Variants in PEX3 observed in about 807,000 individuals in gnomAD.
PEX3 encodes peroxin-3.
Under a neutral mutation model 55.8 loss-of-function variants are expected in PEX3, and 30 were observed. The ratio of observed to expected loss-of-function variants is 0.54; its 90% CI spans 0.40 to 0.73. PEX3 has a LOEUF of 0.73. Among genes scored for constraint, PEX3 ranks in the 30% least tolerant of loss-of-function variants. PEX3 has a pLI of 0.00. For missense variants in PEX3, 351 were observed against 432.8 expected, an observed-to-expected ratio of 0.81 and a Z score of 1.68; for synonymous variants, 135 against 148.4, an observed-to-expected ratio of 0.91 and a Z score of 0.66.
chr6:143,453,293 C>A lies in PEX3; in HGVS notation c.73+2178C>A, dbSNP rs560762485. ...GGAAGAAGAGACACATTTTGACAGG[C>A]TTGAAAGCTGGGTAGTATATCAACA... is the stretch of plus-strand genomic sequence containing the variant. On this transcript the variant is annotated intron_variant, in intron 1 of 11. Transcript: ENST00000367591. The surrounding 1 kb of genome is among the most constrained non-coding windows in gnomAD (Gnocchi z 4.6). 6.6e-6 allele frequency among the ~76,000 whole-genome samples: 1 copy of A among 152,140 alleles called. No individual in the cohort carries two copies. The highest frequency in any genetic ancestry group is 1.5e-5 in the Non-Finnish European group (1 of 68,022).
intron 4 of PEX3, 51 bp downstream of exon 4, chr6:143,468,216 G>A (rs1368107841): frequency 2.5e-6 from 3 of 1,217,714 alleles, no homozygotes; most frequent in Non-Finnish European, 3.6e-6. Flanking sequence ...ATTTATAAAG[G>A]GAAATGTTTG....
In PEX3 at chr6:143,476,974, C is replaced by G. The variant is rs573303795; in HGVS notation, c.819-2102C>G. 6.6e-6 allele frequency among the ~76,000 whole-genome samples: 1 copy of G among 152,162 alleles called. No homozygotes were observed. Among genetic ancestry groups the G allele is most frequent in the South Asian group, 2.1e-4 (1 of 4,816 alleles). On this transcript the variant is annotated intron_variant, in intron 9 of 11. Coordinates refer to ENST00000367591, the MANE Select transcript of PEX3 (RefSeq NM_003630.3). This position sits in a 1 kb window ranked among gnomAD's most constrained non-coding sequence, Gnocchi z 5.4. The stretch of plus-strand genomic sequence containing the variant: ...AGCTGCCAGCGAAAGAAAAGAAACA[C>G]CAAAAGAATGAGGTATTTTGGAAGA...
chr6:143,471,364 G>A lies in PEX3; in HGVS notation c.457-19G>A, dbSNP rs755817677. 6.4e-7 allele frequency: 1 copy of A among 1,554,898 alleles called. No homozygotes were observed. The highest frequency in any genetic ancestry group is 8.9e-7 in the Non-Finnish European group (1 of 1,126,970). On this transcript the variant is annotated intron_variant, in intron 5 of 11. Coordinates refer to ENST00000367591, the MANE Select transcript of PEX3 (RefSeq NM_003630.3). The surrounding 1 kb of genome is among the most constrained non-coding windows in gnomAD (Gnocchi z 5.4). ...AGTTTAAAACTTGGATAATTGAACT[G>A]TATTTCTGTTTTATACAGACAATTC...
intron 10 of PEX3, among the ~76,000 whole-genome samples, chr6:143,480,626 A>G (rs1380102865): frequency 2.6e-5 from 4 of 152,208 alleles, no homozygotes; most frequent in African/African-American, 4.8e-5. Context: ...TCATCTCAAT[A>G]ACCAACTTCA....
chr6:143,482,548 G>A lies in PEX3; in HGVS notation c.942-2604G>A, dbSNP rs961020644. On this transcript the variant is annotated intron_variant, in intron 10 of 11. Coordinates refer to ENST00000367591, the MANE Select transcript of PEX3 (RefSeq NM_003630.3). This position sits in a 1 kb window ranked among gnomAD's most constrained non-coding sequence, Gnocchi z 5.5. The stretch of plus-strand genomic sequence containing the variant: ...AAATGATAATAAAGGTAATATGGAG[G>A]AATAATGGAATGAGAATGTTTAAGC... Among the ~76,000 whole-genome samples the A allele has an allele frequency of 6.6e-6, 1 of 151,924 alleles. No homozygotes were observed. The highest frequency in any genetic ancestry group is 1.5e-5 in the Non-Finnish European group (1 of 67,924).
rs542349896 is a variant in PEX3 at position 143,482,742 on chromosome 6, A to G, written c.942-2410A>G. On this transcript the variant is annotated intron_variant, in intron 10 of 11. Transcript: ENST00000367591. The surrounding 1 kb of genome is among the most constrained non-coding windows in gnomAD (Gnocchi z 5.5). Reference sequence around the variant, plus strand: ...TTAGTAATGATTGTGGGCAAAATATATGTTGGTAAGACGAATAACAATTAG... The same window carrying G: ...TTAGTAATGATTGTGGGCAAAATATGTGTTGGTAAGACGAATAACAATTAG... Among the ~76,000 whole-genome samples the G allele has an allele frequency of 3.9e-4, 60 of 152,142 alleles. 1 individual carries two copies. In the South Asian group the frequency reaches 0.012, roughly 31 times the overall value.
rs945636625 is a variant in PEX3, at chr6:143,463,830, C to A, written c.287+833C>A. 1.3e-5 allele frequency among the ~76,000 whole-genome samples: 2 copies of A among 152,100 alleles called. No individual in the cohort carries two copies. The highest frequency in any genetic ancestry group is 2.9e-5 in the Non-Finnish European group (2 of 67,994). ...GCTCCCACTTAATTTACACAATATC[C>A]CTGTGAGGCGGTTACTATTATTCAT... On this transcript the variant is annotated intron_variant, in intron 3 of 11. Coordinates refer to ENST00000367591, the MANE Select transcript of PEX3 (RefSeq NM_003630.3). This position sits in a 1 kb window ranked among gnomAD's most constrained non-coding sequence, Gnocchi z 5.7.
Position 143,490,123 on chromosome 6 carries a change from G to C in PEX3, c.*897G>C, listed in dbSNP as rs1220731945. 1 of 152,070 alleles carries C rather than the reference G, an allele frequency of 6.6e-6. No homozygotes were observed. Among genetic ancestry groups the C allele is most frequent in the Admixed American group, 6.5e-5 (1 of 15,268 alleles). 9.4% of individuals were successfully genotyped at this position (152,070 alleles called of 1,614,324 possible). A position where few individuals can be genotyped will look rare whatever the true frequency, so the allele number is the denominator to read the frequency against. Reference sequence around the variant, plus strand: ...TTTAAGTTTCATTTTAATTGGTCGTGTACTTGGTGCTTTTTTGTTGTTGTT... The same window carrying C: ...TTTAAGTTTCATTTTAATTGGTCGTCTACTTGGTGCTTTTTTGTTGTTGTT... On this transcript the variant is annotated 3_prime_UTR_variant, in exon 12 of 12. Transcript: ENST00000367591. The surrounding 1 kb of genome is among the most constrained non-coding windows in gnomAD (Gnocchi z 6.0).
chr6:143,479,131 C>G lies in PEX3; in HGVS notation c.874C>G (p.Leu292Val). 2 of 1,596,760 alleles carry G rather than the reference C, an allele frequency of 1.3e-6. No homozygotes were observed. The highest frequency in any genetic ancestry group is 1.7e-6 in the Non-Finnish European group (2 of 1,164,426). Residue 292 changes from leucine to valine, a missense_variant, in exon 10 of 12, where the codon CTA becomes GTA. Physicochemically the swap from Leu to Val is conservative, Grantham distance 32 (BLOSUM62 1). Transcript: ENST00000367591. This position sits in a 1 kb window ranked among gnomAD's most constrained non-coding sequence, Gnocchi z 4.6. The stretch of plus-strand genomic sequence containing the variant: ...TTTAAACCGAGGTTTTAGTAGACTT[C>G]TAGACAATATGGCTGAGTTCTTTCG... ...TCLNRGFSRL[L>V]DNMAEFFRPT...
chr6:143,455,979 G>T (rs1414080281), intron 1 of PEX3, among the ~76,000 whole-genome samples: 1 of 152,000 alleles, frequency 6.6e-6, no homozygotes, highest in Admixed American at 6.6e-5. Context: ...ACTAAGAGAT[G>T]GTTTTAAAAC....
In PEX3 at chr6:143,489,034, T is replaced by C. The variant is rs2128748351; in HGVS notation, c.1039-109T>C. The C allele has an allele frequency of 2.6e-6, 2 of 759,384 alleles. No individual in the cohort carries two copies. The highest frequency in any genetic ancestry group is 2.9e-5 in the South Asian group (2 of 69,684). 47.0% of individuals were successfully genotyped at this position (759,384 alleles called of 1,614,324 possible). On this transcript the variant is annotated intron_variant, in intron 11 of 11. Transcript: ENST00000367591. The surrounding 1 kb of genome is among the most constrained non-coding windows in gnomAD (Gnocchi z 5.5). ...TCATTTTCTTAAATGGTTTGCCTCT[T>C]GGCCTTTACCACAAAACTTAGAGCT...
chr6:143,479,076 C>A lies in PEX3; in HGVS notation c.819C>A (p.Ser273Arg). 6.4e-7 allele frequency: 1 copy of A among 1,554,544 alleles called. No homozygotes were observed. The highest frequency in any genetic ancestry group is 8.9e-7 in the Non-Finnish European group (1 of 1,126,212). The change falls in exon 10 of 12, where the codon AGC becomes AGA. Residue 273 changes from serine (S) to arginine (R), a missense_variant and splice_region_variant. By Grantham distance (110) the Ser-to-Arg change is moderately radical. Transcript: ENST00000367591. This position sits in a 1 kb window ranked among gnomAD's most constrained non-coding sequence, Gnocchi z 4.6. ...AACTTATACTTCTTACTTTATATAG[C>A]CCAGATTTTAGTACAGTTTTGAATA... The part of the protein sequence containing the change: ...LLNETRDMLE[S>R]PDFSTVLNTC...
At position 143,463,094 on chromosome 6, in the gene PEX3, C is replaced by G; in HGVS notation, c.287+97C>G. On this transcript the variant is annotated intron_variant, in intron 3 of 11. Transcript: ENST00000367591. This position sits in a 1 kb window ranked among gnomAD's most constrained non-coding sequence, Gnocchi z 5.7. The stretch of plus-strand genomic sequence containing the variant: ...TCAAAAATCTTTGTTATTTTTCTAT[C>G]TAATGAAAGTTTATATAGGCTCAGT... 2 of 877,378 alleles carry G rather than the reference C, an allele frequency of 2.3e-6. No homozygotes were observed. Among genetic ancestry groups the G allele is most frequent in the Non-Finnish European group, 3.8e-6 (2 of 532,354 alleles). 54.3% of individuals were successfully genotyped at this position (877,378 alleles called of 1,614,324 possible).
rs1780278171 is a variant in PEX3, at chr6:143,483,944, C to T, written c.942-1208C>T. On this transcript the variant is annotated intron_variant, in intron 10 of 11. Transcript: ENST00000367591. This position sits in a 1 kb window ranked among gnomAD's most constrained non-coding sequence, Gnocchi z 4.3. ...GATTTTGAAAAATGCCACAAAGGTA[C>T]CATGAAAAAAAAAATGCCTGCTTCC... is the stretch of plus-strand genomic sequence containing the variant. Among the ~76,000 whole-genome samples the T allele has an allele frequency of 7.0e-6, 1 of 143,062 alleles. No homozygotes were observed. Among genetic ancestry groups the T allele is most frequent in the Non-Finnish European group, 1.6e-5 (1 of 61,914 alleles). The allele number at this position is 143,062 out of a possible 152,430, so 93.9% of individuals were successfully genotyped here.
chr6:143,478,925 C>A (rs891700962), intron 9 of PEX3, 151 bp from the exon 10 acceptor site: 3 of 543,090 alleles, frequency 5.5e-6, no homozygotes, highest in Middle Eastern at 4.9e-4. Context: ...TTTTTAAATA[C>A]TTTTTAAAGA....
chr6:143,456,612 C>T (rs1243941922), intron 1 of PEX3, among the ~76,000 whole-genome samples: 1 of 152,162 alleles, frequency 6.6e-6, no homozygotes. Flanking sequence ...CATAGATAGG[C>T]ATCTCCTCTG....
chr6:143,473,846 T>G (rs1393456891), intron 8 of PEX3, among the ~76,000 whole-genome samples: 1 of 151,438 alleles, frequency 6.6e-6, no homozygotes, highest in Non-Finnish European at 1.5e-5. Flanking sequence ...CACTCCAGAC[T>G]GGGCAACACC....
In PEX3 at chr6:143,482,834, A is replaced by G. The variant is rs1252186839; in HGVS notation, c.942-2318A>G. On this transcript the variant is annotated intron_variant, in intron 10 of 11. Coordinates refer to ENST00000367591, the MANE Select transcript of PEX3 (RefSeq NM_003630.3). The surrounding 1 kb of genome is among the most constrained non-coding windows in gnomAD (Gnocchi z 5.5). ...TTAAATATACTAAGTAAAAACAAAT[A>G]TACTGATCGAAAACAGGTGACTATG... Among the ~76,000 whole-genome samples, 1 of 152,106 alleles carries G rather than the reference A, an allele frequency of 6.6e-6. No individual in the cohort carries two copies. Among genetic ancestry groups the G allele is most frequent in the African/African-American group, 2.4e-5 (1 of 41,448 alleles).
rs1780307278 is a variant in PEX3, at chr6:143,485,539, TTAAGCTGTGCTAG to T, written c.1038+296_1038+308del. 2.6e-5 allele frequency among the ~76,000 whole-genome samples: 4 copies of T among 152,078 alleles called. No homozygotes were observed. Among genetic ancestry groups the T allele is most frequent in the Admixed American group, 2.6e-4 (4 of 15,246 alleles). On this transcript the variant is annotated intron_variant, in intron 11 of 11. Transcript: ENST00000367591. The surrounding 1 kb of genome is among the most constrained non-coding windows in gnomAD (Gnocchi z 5.6). ...AATTTATATAGCATGAATGTTTGCA[TTAAGCTGTGCTAG>T]TAAGAAGATTGATCCTTGGGGCAGA...
Sources: allele counts gnomAD v4.1 joint callset (sites outside exome capture counted in the v4.1 genomes callset), GRCh38; gene constraint gnomAD v4.1.1; non-coding constraint Gnocchi (gnomAD v3.1); transcripts MANE v1.5; gene names NCBI Gene and HGNC (gene_info 2026-07-23, HGNC 2026-07-21).